The following FRMD4A variants were observed in gnomAD, a reference collection of about 807,000 sequenced individuals.
The protein encoded by FRMD4A is FERM domain-containing protein 4A.
FRMD4A carries 29 observed loss-of-function variants against 129.1 expected under a neutral mutation model. That is an observed-to-expected ratio of 0.22 (90% CI 0.17 to 0.31). FRMD4A has a LOEUF of 0.31. Among genes scored for constraint, FRMD4A ranks in the 10% least tolerant of loss-of-function variants. The pLI is 1.00. For missense variants in FRMD4A, 1,272 were observed against 1,375.8 expected, an observed-to-expected ratio of 0.92 and a Z score of 1.19; for synonymous variants, 634 against 571.6, an observed-to-expected ratio of 1.11 and a Z score of -1.56.
chr10:13,754,227 C>A (rs1279948630), intron 8 of FRMD4A, among the ~76,000 whole-genome samples: 2 of 150,754 alleles, frequency 1.3e-5, no homozygotes, highest in Non-Finnish European at 2.9e-5. Flanking sequence ...TGTCATAATA[C>A]AAAATTTCCT....
intron 2 of FRMD4A, among the ~76,000 whole-genome samples, chr10:14,219,765 T>G (rs889536789): frequency 3.3e-5 from 5 of 152,174 alleles, no homozygotes; most frequent in African/African-American, 7.2e-5. Flanking sequence ...GTGTGCATCC[T>G]CAGTCCAGAC....
intron 2 of FRMD4A, among the ~76,000 whole-genome samples, chr10:13,982,244 G>A (rs945802603): frequency 1.3e-5 from 2 of 152,080 alleles, no homozygotes; most frequent in Non-Finnish European, 2.9e-5. Flanking sequence ...AGCACTTTGG[G>A]AGGCCAAGGC....
intron 2 of FRMD4A, among the ~76,000 whole-genome samples, chr10:14,080,033 C>T (rs140502642): frequency 6.6e-6 from 1 of 152,296 alleles, no homozygotes; most frequent in East Asian, 1.9e-4. Context: ...CCCCTTGGAC[C>T]TCCTGCCTGG....
chr10:14,174,758 C>A (rs751010693), intron 2 of FRMD4A, among the ~76,000 whole-genome samples: 5 of 152,048 alleles, frequency 3.3e-5, no homozygotes, highest in Admixed American at 6.5e-5. Context: ...GGTTCTTCTG[C>A]AGTTTGGCCA....
chr10:13,694,983 C>T (rs953354315), intron 14 of FRMD4A, among the ~76,000 whole-genome samples: 1 of 152,110 alleles, frequency 6.6e-6, no homozygotes, highest in African/African-American at 2.4e-5. Context: ...TATTTTGATA[C>T]CTAAGTACAT....
intron 2 of FRMD4A, among the ~76,000 whole-genome samples, chr10:14,220,265 C>T (rs1843205866): frequency 1.3e-5 from 2 of 152,252 alleles, no homozygotes; most frequent in African/African-American, 4.8e-5. Context: ...CAAGTCAAGC[C>T]TCAAAGTGCC....
intron 2 of FRMD4A, among the ~76,000 whole-genome samples, chr10:14,185,443 T>C (rs143469146): frequency 7.2e-4 from 109 of 152,356 alleles, no homozygotes; most frequent in East Asian, 2.1e-3. Context: ...CAGATGAGGA[T>C]GTCGTGGCAG....
chr10:14,020,570 T>C (rs1355464077), intron 2 of FRMD4A, among the ~76,000 whole-genome samples: 2 of 152,236 alleles, frequency 1.3e-5, no homozygotes, highest in Non-Finnish European at 2.9e-5. Flanking sequence ...AAGTCTTCTT[T>C]TGTTCTTATT....
At chr10:13,949,397 T>G (rs1401212566) in intron 2 of FRMD4A, among the ~76,000 whole-genome samples, 1 of 152,154 alleles carries the variant, frequency 6.6e-6, no homozygotes, top group African/African-American at 2.4e-5. Context: ...CAAGTACAGC[T>G]TTGATTACTT....
intron 2 of FRMD4A, among the ~76,000 whole-genome samples, chr10:14,231,846 T>G (rs940237262): frequency 1.3e-5 from 2 of 152,218 alleles, no homozygotes; most frequent in East Asian, 1.9e-4. Context: ...GTCAGATGCA[T>G]AGTTTGCAAA....
chr10:13,691,116 T>C (rs547670399), intron 15 of FRMD4A, among the ~76,000 whole-genome samples: 1 of 152,178 alleles, frequency 6.6e-6, no homozygotes, highest in South Asian at 2.1e-4. Context: ...GCCTCGAAAA[T>C]AACTGGGATT....
chr10:13,646,733 G>A lies in FRMD4A; in HGVS notation c.*305C>T, dbSNP rs2081138605. On this transcript the variant is annotated 3_prime_UTR_variant, in exon 25 of 25. Coordinates refer to ENST00000357447, the MANE Select transcript of FRMD4A (RefSeq NM_018027.5). ...TGGCTCTCTATGGGCAAGAGCGCCA[G>A]GGGACACACAGTGGGACCGGAACCT... 6.5e-6 allele frequency: 1 copy of A among 152,754 alleles called. No individual in the cohort carries two copies. The highest frequency in any genetic ancestry group is 1.5e-5 in the Non-Finnish European group (1 of 68,118). 9.5% of individuals were successfully genotyped at this position (152,754 alleles called of 1,614,324 possible).
At chr10:13,667,101 G>A (rs2083113030) in intron 17 of FRMD4A, among the ~76,000 whole-genome samples, 1 of 151,912 alleles carries the variant, frequency 6.6e-6, no homozygotes, top group Non-Finnish European at 1.5e-5. Context: ...TAGTAGAGAT[G>A]GGGTTTTACC....
intron 2 of FRMD4A, among the ~76,000 whole-genome samples, chr10:13,870,188 C>T (rs2094423321): frequency 1.3e-5 from 2 of 152,196 alleles, no homozygotes; most frequent in African/African-American, 2.4e-5. Flanking sequence ...TGGACAGAGG[C>T]CTGAAGGCCC....
rs1482567804 is a variant in FRMD4A, at chr10:13,670,447, C to A, written c.1333G>T (p.Ala445Ser). Residue 445 changes from alanine to serine, a missense_variant, in exon 17 of 25, where the codon GCC becomes TCC. Coordinates refer to ENST00000357447, the MANE Select transcript of FRMD4A (RefSeq NM_018027.5). ...PPIVRRRIGT[A>S]FKLDEQKILP... Reference sequence around the variant, plus strand: ...ATTTTCTGTTCATCCAGTTTGAAGGCTGTTCCTATTCTTCTCCGAACAATG... The same window carrying A: ...ATTTTCTGTTCATCCAGTTTGAAGGATGTTCCTATTCTTCTCCGAACAATG... 1 of 1,613,436 alleles carries A rather than the reference C, an allele frequency of 6.2e-7. No homozygotes were observed. The highest frequency in any genetic ancestry group is 8.5e-7 in the Non-Finnish European group (1 of 1,179,512).
chr10:13,711,499 A>G (rs934419457), intron 12 of FRMD4A, among the ~76,000 whole-genome samples: 5 of 152,030 alleles, frequency 3.3e-5, no homozygotes, highest in Non-Finnish European at 5.9e-5. Context: ...CTGCCAACAC[A>G]CTCTGCCTCT....
At chr10:13,812,127 T>G (rs1049325288) in intron 3 of FRMD4A, among the ~76,000 whole-genome samples, 1 of 152,140 alleles carries the variant, frequency 6.6e-6, no homozygotes, top group African/African-American at 2.4e-5. Context: ...GTGATCTGCC[T>G]GCCTCGGCCT....
chr10:13,818,677 A>G (rs2093584236), intron 3 of FRMD4A, among the ~76,000 whole-genome samples: 1 of 152,164 alleles, frequency 6.6e-6, no homozygotes. Context: ...GTTTCCTCTC[A>G]GCTATTAAAT....
At chr10:14,152,589 A>T (rs910111170) in intron 2 of FRMD4A, among the ~76,000 whole-genome samples, 1 of 152,182 alleles carries the variant, frequency 6.6e-6, no homozygotes, top group African/African-American at 2.4e-5. Flanking sequence ...GTGCATTAAG[A>T]ATAGAGAGAA....
Sources: allele counts gnomAD v4.1 joint callset (sites outside exome capture counted in the v4.1 genomes callset), GRCh38; gene constraint gnomAD v4.1.1; transcripts MANE v1.5; gene names NCBI Gene and HGNC (gene_info 2026-07-23, HGNC 2026-07-21).